SAAL1: variants seen among roughly 807,000 people sequenced by gnomAD.
SAAL1 encodes the protein protein SAAL1.
In SAAL1, 42 loss-of-function variants were observed where a neutral mutation model predicts 59.8. That is an observed-to-expected ratio of 0.70 (90% CI 0.55 to 0.91). The LOEUF (loss-of-function observed/expected upper bound fraction) is 0.91. SAAL1 is among the 40% of genes least tolerant of loss of function. The pLI, the probability that SAAL1 is intolerant of heterozygous loss-of-function variation, is 0.00. For synonymous variants in SAAL1, 191 were observed against 194.3 expected (o/e 0.98, Z 0.14); for missense variants, 542 against 561.1 (o/e 0.97, Z 0.34).
In SAAL1 at chr11:18,089,428, A is replaced by G; in HGVS notation, c.672T>C (p.Asn224=). 1.2e-6 allele frequency: 2 copies of G among 1,612,684 alleles called. No individual in the cohort carries two copies. Among genetic ancestry groups the G allele is most frequent in the Non-Finnish European group, 1.7e-6 (2 of 1,179,530 alleles). The change falls in exon 7 of 12, where the codon AAT becomes AAC. Residue 224 remains asparagine, a synonymous_variant. Coordinates refer to ENST00000524803, the MANE Select transcript of SAAL1 (RefSeq NM_138421.3). Reference sequence around the variant, plus strand: ...GTTGGTCCAGAGGCTGAGCAGCCCCATTTCTGACCCATTCTAACATTAGTT... The same window carrying G: ...GTTGGTCCAGAGGCTGAGCAGCCCCGTTTCTGACCCATTCTAACATTAGTT... The part of the protein sequence containing the change: ...DEKLMLEWVR[N]GAAQPLDQPQ...
chr11:18,086,041 A>T (rs1030274448), intron 9 of SAAL1, among the ~76,000 whole-genome samples: 3 of 152,262 alleles, frequency 2.0e-5, no homozygotes, highest in African/African-American at 7.2e-5. Flanking sequence ...TTGGCTAAAA[A>T]GCAGAATTAA....
intron 1 of SAAL1, 42 bp downstream of exon 1, chr11:18,105,865 G>A (rs2134068482): frequency 6.6e-7 from 1 of 1,526,386 alleles, no homozygotes; most frequent in South Asian, 1.3e-5. Context: ...CCGGTGCCTG[G>A]GGGATGTAGG....
Position 18,082,794 on chromosome 11 carries a change from G to A in SAAL1, c.1239+741C>T, listed in dbSNP as rs892147442. ...TCACAGGCGTGTGCCACCATGCCCA[G>A]CTAATTTTTGTATTTTTTGTAGAGA... On this transcript the variant is annotated intron_variant, in intron 10 of 11. Transcript: ENST00000524803. Among the ~76,000 whole-genome samples, 3 of 152,056 alleles carry A rather than the reference G, an allele frequency of 2.0e-5. No homozygotes were observed. In the East Asian group the frequency reaches 5.8e-4, roughly 29 times the overall value.
chr11:18,103,090 CTCATTCCCTATA>C, intron 2 of SAAL1, 131 bp downstream of exon 2: 2 of 625,432 alleles, frequency 3.2e-6, no homozygotes, highest in Non-Finnish European at 5.7e-6. Context: ...CCCCTGGGAT[CTCATTCCCTATA>C]TCATATATGG....
intron 6 of SAAL1, among the ~76,000 whole-genome samples, 194 bp downstream of exon 6, chr11:18,089,981 G>A (rs1204468747): frequency 6.6e-6 from 1 of 152,150 alleles, no homozygotes; most frequent in Non-Finnish European, 1.5e-5. Flanking sequence ...TCAGGAGTTT[G>A]AGGCTGTAGT....
At position 18,105,898 on chromosome 11, in the gene SAAL1, T is replaced by C; in HGVS notation, c.135+9A>G. 1 of 1,590,180 alleles carries C rather than the reference T, an allele frequency of 6.3e-7. No individual in the cohort carries two copies. Among genetic ancestry groups the C allele is most frequent in the Non-Finnish European group, 8.5e-7 (1 of 1,169,626 alleles). Reference sequence around the variant, plus strand: ...AGGGACACCCCACGCGTGGCGCGAGTTTCCACACCTGGATGAGTCCGCTGA... The same window carrying C: ...AGGGACACCCCACGCGTGGCGCGAGCTTCCACACCTGGATGAGTCCGCTGA... On this transcript the variant is annotated intron_variant, in intron 1 of 11. Coordinates refer to ENST00000524803, the MANE Select transcript of SAAL1 (RefSeq NM_138421.3).
rs918152925 is a variant in SAAL1, at chr11:18,080,304, A to G, written c.*95T>C. 4 of 786,202 alleles carry G rather than the reference A, an allele frequency of 5.1e-6. No individual in the cohort carries two copies. The highest frequency in any genetic ancestry group is 3.6e-5 in the African/African-American group (2 of 56,114). 48.7% of individuals were successfully genotyped at this position (786,202 alleles called of 1,614,324 possible). A position where few individuals can be genotyped will look rare whatever the true frequency, so the allele number is the denominator to read the frequency against. On this transcript the variant is annotated 3_prime_UTR_variant, in exon 12 of 12. Transcript: ENST00000524803. ...TAACACCAGACAATTATGGTCTAAT[A>G]TGGGCTTTAGTTAATATTTCCAATA...
intron 11 of SAAL1, 48 bp from the exon 12 acceptor site, chr11:18,080,539 G>A (rs764092357): frequency 3.0e-5 from 38 of 1,280,562 alleles, no homozygotes; most frequent in African/African-American, 6.0e-5. Flanking sequence ...AGAGAAAAAC[G>A]TGCTTTAAGG....
At chr11:18,102,239 T>C (rs11024487) in intron 2 of SAAL1, among the ~76,000 whole-genome samples, 62,939 of 151,770 alleles carry the variant, frequency 0.41, 13,687 homozygotes, top group African/African-American at 0.52. Flanking sequence ...CTGTCTCCAC[T>C]AAAAATATAA....
At position 18,091,720 on chromosome 11, in the gene SAAL1, C is replaced by T. The variant is rs144918175; in HGVS notation, c.413+525G>A. 1.6e-4 allele frequency among the ~76,000 whole-genome samples: 24 copies of T among 152,320 alleles called. No individual in the cohort carries two copies. In the South Asian group the frequency reaches 2.3e-3, roughly 14 times the overall value. ...ACACAGTAACCACTGGGGTTTCCTC[C>T]ATTAAAACACCTTCTGCCCAGAACT... On this transcript the variant is annotated intron_variant, in intron 4 of 11. Transcript: ENST00000524803.
At chr11:18,093,610 A>C (rs1039868570) in intron 3 of SAAL1, among the ~76,000 whole-genome samples, 4 of 152,194 alleles carry the variant, frequency 2.6e-5, no homozygotes, top group Non-Finnish European at 5.9e-5. Context: ...TTCTGTGTAT[A>C]ATTTCATATA....
chr11:18,089,622 T>C, intron 6 of SAAL1, 112 bp from the exon 7 acceptor site: 1 of 863,258 alleles, frequency 1.2e-6, no homozygotes, highest in Non-Finnish European at 1.7e-6. Context: ...AAAGCAGTAC[T>C]TATTCTAAAG....
rs1181006223 is a variant in SAAL1 at position 18,083,611 on chromosome 11, TG to T, written c.1162del (p.Gln388LysfsTer6). The T allele has an allele frequency of 2.5e-6, 4 of 1,605,780 alleles. No homozygotes were observed. The highest frequency in any genetic ancestry group is 1.7e-5 in the Admixed American group (1 of 59,892). ...TAAGATTTTCAAGTGGAAATCATCT[TG>T]GGTTAAATCAGTCCTTTTAGTTTCC... ...TEETKRTDLT[Q>X]DDFHLKILKD... On this transcript the variant is annotated frameshift_variant, in exon 10 of 12. Coordinates refer to ENST00000524803, the MANE Select transcript of SAAL1 (RefSeq NM_138421.3). LOFTEE classifies it high-confidence loss of function.
chr11:18,099,905 C>A (rs1040105218), intron 2 of SAAL1, among the ~76,000 whole-genome samples: 16 of 152,314 alleles, frequency 1.1e-4, no homozygotes, highest in East Asian at 7.7e-4. Context: ...TATAAACTCA[C>A]CAGACTTTGC....
intron 1 of SAAL1, among the ~76,000 whole-genome samples, chr11:18,104,009 T>G (rs1418698373): frequency 6.6e-6 from 1 of 152,226 alleles, no homozygotes; most frequent in African/African-American, 2.4e-5. Context: ...AATAATTATC[T>G]TGTTTTTATT....
rs1441686388 is a variant in SAAL1, at chr11:18,092,326, T to C, written c.334-2A>G. 4 of 1,583,018 alleles carry C rather than the reference T, an allele frequency of 2.5e-6. No individual in the cohort carries two copies. On this transcript the variant is annotated splice_acceptor_variant, in intron 3 of 11. Transcript: ENST00000524803. LOFTEE classifies it high-confidence loss of function. ...ACCTAAAATTCCCACACAGATTTCCTGCCAAATCAAATTTTACAAGTCACA... is the reference window on the plus strand; with the variant it reads ...ACCTAAAATTCCCACACAGATTTCCCGCCAAATCAAATTTTACAAGTCACA...
rs1026338499 is a variant in SAAL1 at position 18,081,392 on chromosome 11, T to C, written c.1332+19A>G. ...ATCCTACAAAACTTGGCCACCTATA[T>C]ACATTTACCCATACTCACCACAGGG... is the stretch of plus-strand genomic sequence containing the variant. On this transcript the variant is annotated intron_variant, in intron 11 of 11. Coordinates refer to ENST00000524803, the MANE Select transcript of SAAL1 (RefSeq NM_138421.3). 3.2e-6 allele frequency: 5 copies of C among 1,576,008 alleles called. No homozygotes were observed. The highest frequency in any genetic ancestry group is 4.3e-6 in the Non-Finnish European group (5 of 1,150,816).
rs1352754495 is a variant in SAAL1, at chr11:18,101,206, A to G, written c.249+2027T>C. On this transcript the variant is annotated intron_variant, in intron 2 of 11. Transcript: ENST00000524803. ...TATGTAAAATGGTAAAAAACTGCTT[A>G]GGAAAACAAATTGAAAGTTTCTTAA... Among the ~76,000 whole-genome samples the G allele has an allele frequency of 7.9e-5, 12 of 152,218 alleles. No individual in the cohort carries two copies. The East Asian group carries it at 2.1e-3, about 27-fold the overall frequency.
At chr11:18,099,918 C>T (rs1848617530) in intron 2 of SAAL1, among the ~76,000 whole-genome samples, 1 of 152,170 alleles carries the variant, frequency 6.6e-6, no homozygotes, top group Non-Finnish European at 1.5e-5. Flanking sequence ...GACTTTGCGC[C>T]AGGGACCTCA....
Sources: gnomAD v4.1 joint callset for allele counts (sites outside exome capture counted in the v4.1 genomes callset) on GRCh38, gnomAD v4.1.1 for gene constraint, MANE v1.5 for transcripts, NCBI Gene and HGNC (gene_info 2026-07-23, HGNC 2026-07-21) for gene names.